DGKI: variants seen among roughly 807,000 people sequenced by gnomAD.
DGKI encodes diacylglycerol kinase iota, also known as DAG kinase iota.
Under a neutral mutation model 147.5 loss-of-function variants are expected in DGKI, and 55 were observed. That is an observed-to-expected ratio of 0.37 (90% CI 0.30 to 0.47). The LOEUF is 0.47. Ranked by LOEUF, DGKI falls within the 20% of genes least tolerant of loss-of-function variation. The pLI is 1.00. For missense variants in DGKI, 1,007 were observed against 1,323.8 expected, an observed-to-expected ratio of 0.76 and a Z score of 3.71; for synonymous variants, 469 against 477.1, an observed-to-expected ratio of 0.98 and a Z score of 0.22.
At chr7:137,647,579 G>C (rs1269470233) in intron 5 of DGKI, among the ~76,000 whole-genome samples, 1 of 152,170 alleles carries the variant, frequency 6.6e-6, no homozygotes, top group Admixed American at 6.5e-5. Context: ...TCCTGTGGCT[G>C]GCTGTGGCTT....
At chr7:137,419,217 GAAGTTA>G (rs1189310213) in intron 28 of DGKI, among the ~76,000 whole-genome samples, 1 of 152,180 alleles carries the variant, frequency 6.6e-6, no homozygotes, top group East Asian at 1.9e-4. Flanking sequence ...CATACAAAAT[GAAGTTA>G]AAGTAAATTT....
chr7:137,739,145 G>A (rs546781451), intron 1 of DGKI, among the ~76,000 whole-genome samples: 4 of 152,246 alleles, frequency 2.6e-5, no homozygotes, highest in South Asian at 4.1e-4. Flanking sequence ...AGCACTCTGA[G>A]CCACGTGTCT....
At chr7:137,565,768 A>C (rs1353386753) in intron 19 of DGKI, among the ~76,000 whole-genome samples, 1 of 152,196 alleles carries the variant, frequency 6.6e-6, no homozygotes, top group Non-Finnish European at 1.5e-5. Context: ...TGGCAGAAAT[A>C]AATACAAATT....
chr7:137,592,306 C>T (rs940417634), intron 12 of DGKI, among the ~76,000 whole-genome samples: 1 of 152,182 alleles, frequency 6.6e-6, no homozygotes, highest in Non-Finnish European at 1.5e-5. Context: ...TCCACCAGAA[C>T]TGAAGAAAGT....
rs759846170 is a variant in DGKI, at chr7:137,407,949, G to T, written c.2846C>A (p.Pro949Gln). The change falls in exon 30 of 33, where the codon CCA (proline) becomes CAA (glutamine). Residue 949 changes from proline to glutamine, a missense_variant. This residue lies in a region of DGKI where 385 missense variants were observed against 445.2 expected (regional missense o/e 0.86). Coordinates refer to ENST00000614521, the MANE Select transcript of DGKI (RefSeq NM_001321708.2). The stretch of plus-strand genomic sequence containing the variant: ...GTAGTGAAGGAGTGAACAGTGGTCT[G>T]GTCCCTGAATTAGCAGACTGCCTCC... ...KNGGSLLIQGPDHCSLLHYAA... is the reference protein window; with the variant it reads ...KNGGSLLIQGQDHCSLLHYAA... 11 of 1,613,990 alleles carry T rather than the reference G, an allele frequency of 6.8e-6. No homozygotes were observed. The highest frequency in any genetic ancestry group is 9.3e-6 in the Non-Finnish European group (11 of 1,179,940).
At chr7:137,691,839 A>C (rs929801057) in intron 1 of DGKI, among the ~76,000 whole-genome samples, 4 of 81,096 alleles carry the variant, frequency 4.9e-5, no homozygotes, top group Non-Finnish European at 9.4e-5. Flanking sequence ...TTGTATTCCT[A>C]TACAGGAAGT....
chr7:137,735,066 T>C (rs982964619), intron 1 of DGKI, among the ~76,000 whole-genome samples: 28 of 152,162 alleles, frequency 1.8e-4, no homozygotes, highest in African/African-American at 6.5e-4. Context: ...CTGATTTCCC[T>C]GTTTCCACTC....
chr7:137,417,573 G>A (rs1429891313), intron 28 of DGKI, among the ~76,000 whole-genome samples: 2 of 152,184 alleles, frequency 1.3e-5, no homozygotes, highest in Non-Finnish European at 2.9e-5. Flanking sequence ...TGTGCGGAAG[G>A]AAGAGATGGC....
At chr7:137,609,194 T>C (rs921793078) in intron 9 of DGKI, 130 bp from the exon 10 acceptor site, 3 of 658,736 alleles carry the variant, frequency 4.6e-6, no homozygotes, top group Admixed American at 2.8e-5. Context: ...ACGACTTCCA[T>C]GTAAGGCTTG....
intron 1 of DGKI, among the ~76,000 whole-genome samples, chr7:137,841,807 C>G (rs1798551344): frequency 6.6e-6 from 1 of 152,182 alleles, no homozygotes; most frequent in Non-Finnish European, 1.5e-5. Flanking sequence ...AGAGCTAGCT[C>G]TAGTCTAATT....
intron 10 of DGKI, 54 bp downstream of exon 10, chr7:137,608,912 G>T: frequency 7.2e-7 from 1 of 1,379,590 alleles, no homozygotes; most frequent in Non-Finnish European, 1.0e-6. Flanking sequence ...TGAGAGTTGT[G>T]TCGTCAAGAA....
intron 2 of DGKI, among the ~76,000 whole-genome samples, chr7:137,685,958 C>T (rs1585370156): frequency 2.6e-5 from 4 of 152,140 alleles, no homozygotes; most frequent in African/African-American, 9.7e-5. Flanking sequence ...GAAATATCCC[C>T]TTCTCACTGA....
chr7:137,741,115 C>A (rs1482976444), intron 1 of DGKI, among the ~76,000 whole-genome samples: 5 of 152,216 alleles, frequency 3.3e-5, no homozygotes, highest in African/African-American at 1.2e-4. Context: ...TGCTCCAAGT[C>A]ATTCAGCTCA....
chr7:137,541,085 T>C (rs1817685603), intron 20 of DGKI, among the ~76,000 whole-genome samples: 2 of 152,152 alleles, frequency 1.3e-5, no homozygotes, highest in Admixed American at 1.3e-4. Flanking sequence ...GCCACAACAG[T>C]GTTGACAATG....
intron 1 of DGKI, among the ~76,000 whole-genome samples, chr7:137,727,522 C>T (rs1794750302): frequency 6.6e-6 from 1 of 152,224 alleles, no homozygotes; most frequent in Non-Finnish European, 1.5e-5. Context: ...AATATTTGGA[C>T]AAAAACTAAT....
intron 20 of DGKI, among the ~76,000 whole-genome samples, chr7:137,525,934 C>G (rs973124606): frequency 8.6e-5 from 13 of 151,932 alleles, no homozygotes; most frequent in African/African-American, 3.1e-4. Context: ...ACATTTTACA[C>G]TTCTGGGTGC....
At chr7:137,468,053 AG>A (rs1289939777) in intron 24 of DGKI, among the ~76,000 whole-genome samples, 2 of 152,144 alleles carry the variant, frequency 1.3e-5, no homozygotes, top group Non-Finnish European at 2.9e-5. Context: ...TATCTAACAA[AG>A]CCCAAATATT....
At chr7:137,417,683 G>C (rs1001805007) in intron 28 of DGKI, among the ~76,000 whole-genome samples, 17 of 152,162 alleles carry the variant, frequency 1.1e-4, no homozygotes, top group African/African-American at 4.1e-4. Flanking sequence ...TCCCCAGTGT[G>C]GTATTAAGAG....
At chr7:137,671,143 C>T (rs1312576261) in intron 3 of DGKI, among the ~76,000 whole-genome samples, 1 of 152,170 alleles carries the variant, frequency 6.6e-6, no homozygotes, top group Non-Finnish European at 1.5e-5. Flanking sequence ...CTGAAAGTTT[C>T]CTTCAAATAG....
Sources: gnomAD v4.1 joint callset for allele counts (sites outside exome capture counted in the v4.1 genomes callset) on GRCh38, gnomAD v4.1.1 for gene constraint, gnomAD v4.1.1 regional missense constraint, MANE v1.5 for transcripts, NCBI Gene and HGNC (gene_info 2026-07-23, HGNC 2026-07-21) for gene names.